Variants in MAST1 observed in about 807,000 individuals in gnomAD.
MAST1 encodes microtubule associated serine/threonine kinase 1, also known as microtubule-associated serine/threonine-protein kinase 1.
Under a neutral mutation model 124.6 loss-of-function variants are expected in MAST1, and 40 were observed. The observed-to-expected ratio is 0.32, with a 90% CI of 0.25 to 0.42. The LOEUF is 0.42. Ranked by LOEUF, MAST1 falls within the 10% of genes least tolerant of loss-of-function variation. MAST1 has a pLI of 1.00. For synonymous variants in MAST1, 938 were observed against 939.4 expected (o/e 1.00, Z 0.03); for missense variants, 1,558 against 2,181.9 (o/e 0.71, Z 5.70).
At chr19:12,852,512 T>C in intron 10 of MAST1, 117 bp downstream of exon 10, 1 of 954,744 alleles carries the variant, frequency 1.0e-6, no homozygotes, top group African/African-American at 1.6e-5. Flanking sequence ...ACTCTGAGCC[T>C]CAGTTTTCCC....
chr19:12,867,876 C>G lies in MAST1; in HGVS notation c.2465C>G (p.Pro822Arg). 1.2e-6 allele frequency: 2 copies of G among 1,607,228 alleles called. No individual in the cohort carries two copies. The highest frequency in any genetic ancestry group is 1.7e-6 in the Non-Finnish European group (2 of 1,177,242). The change falls in exon 20 of 26, where the codon CCT (proline) becomes CGT (arginine). Residue 822 changes from proline (P) to arginine (R), a missense_variant. Pro to Arg is a moderately radical substitution (Grantham distance 103, BLOSUM62 -2). This residue lies in a region of MAST1 where 287 missense variants were observed against 308.0 expected (regional missense o/e 0.93). Transcript: ENST00000251472. ...GAGGATGAGGCCCGGCTGCGCAGGC[C>G]TCCCCGGCCCAGCTCCGACCCCGCG... ...EDEDEARLRRPPRPSSDPAGS... is the reference protein window; with the variant it reads ...EDEDEARLRRRPRPSSDPAGS...
chr19:12,859,738 A>G (rs1970056999), intron 12 of MAST1, among the ~76,000 whole-genome samples: 1 of 151,738 alleles, frequency 6.6e-6, no homozygotes, highest in South Asian at 2.1e-4. Context: ...AGGTTGCAGT[A>G]AGCCGAGATC....
Position 12,870,864 on chromosome 19 carries a change from G to A in MAST1, c.3044G>A (p.Cys1015Tyr). ...GGCCCAGCCCAGGAGGCAGGACTCT[G>A]TGCTGGGGACCTCATCACCCACGTG... ...EGGPAQEAGL[C>Y]AGDLITHVNG... The change falls in exon 23 of 26, where the codon TGT becomes TAT. Residue 1015 changes from cysteine (C) to tyrosine (Y), a missense_variant. Coordinates refer to ENST00000251472, the MANE Select transcript of MAST1 (RefSeq NM_014975.3). The A allele has an allele frequency of 6.2e-7, 1 of 1,614,094 alleles. No homozygotes were observed.
chr19:12,839,213 CATG>C (rs1467942812), intron 1 of MAST1, among the ~76,000 whole-genome samples: 2 of 150,996 alleles, frequency 1.3e-5, no homozygotes, highest in Non-Finnish European at 2.9e-5. Context: ...TCACACAGGA[CATG>C]ATGTCACACA....
chr19:12,848,163 T>C, intron 7 of MAST1, 106 bp downstream of exon 7: 1 of 976,014 alleles, frequency 1.0e-6, no homozygotes, highest in Non-Finnish European at 1.5e-6. Context: ...TCCTACCACG[T>C]TCCAGGCACT....
chr19:12,858,696 T>G lies in MAST1; in HGVS notation c.1323T>G (p.Phe441Leu). Residue 441 changes from phenylalanine to leucine, a missense_variant, in exon 12 of 26, where the codon TTT (phenylalanine) becomes TTG (leucine). Coordinates refer to ENST00000251472, the MANE Select transcript of MAST1 (RefSeq NM_014975.3). Reference sequence around the variant, plus strand: ...TTGTGGTCGGCATGTTCTGCTCCTTTGAGACTCGGCGCCACCTCTGCATGG... The same window carrying G: ...TTGTGGTCGGCATGTTCTGCTCCTTGGAGACTCGGCGCCACCTCTGCATGG... The part of the protein sequence containing the change: ...NPFVVGMFCS[F>L]ETRRHLCMVM... 1 of 1,614,164 alleles carries G rather than the reference T, an allele frequency of 6.2e-7. No individual in the cohort carries two copies. Among genetic ancestry groups the G allele is most frequent in the Non-Finnish European group, 8.5e-7 (1 of 1,180,020 alleles).
chr19:12,857,174 C>T (rs994275246), intron 10 of MAST1, among the ~76,000 whole-genome samples: 2 of 152,068 alleles, frequency 1.3e-5, no homozygotes, highest in East Asian at 1.9e-4. Context: ...ACCTCTGCCT[C>T]CTGGGTTCAA....
Position 12,847,248 on chromosome 19 carries a change from G to A in MAST1, c.328-42G>A. ...AGCTCAGGGTCCTGAGCTGTTGGGGGGCCCATGGTGGCTCTGACCCCGGCC... is the reference window on the plus strand; with the variant it reads ...AGCTCAGGGTCCTGAGCTGTTGGGGAGCCCATGGTGGCTCTGACCCCGGCC... On this transcript the variant is annotated intron_variant, in intron 4 of 25. Coordinates refer to ENST00000251472, the MANE Select transcript of MAST1 (RefSeq NM_014975.3). The surrounding 1 kb of genome is among the most constrained non-coding windows in gnomAD (Gnocchi z 5.5). 2.1e-6 allele frequency: 3 copies of A among 1,406,322 alleles called. No individual in the cohort carries two copies. Among genetic ancestry groups the A allele is most frequent in the Non-Finnish European group, 2.0e-6 (2 of 1,002,592 alleles). The allele number at this position is 1,406,322 out of a possible 1,614,324, so 87.1% of individuals were successfully genotyped here.
rs1443740710 is a variant in MAST1 at position 12,838,562 on chromosome 19, G to A, written c.-11G>A. The A allele has an allele frequency of 5.3e-6, 8 of 1,510,024 alleles. No homozygotes were observed. The East Asian group carries it at 1.1e-4, about 20-fold the overall frequency. The allele number at this position is 1,510,024 out of a possible 1,614,324, so 93.5% of individuals were successfully genotyped here. A position where few individuals can be genotyped will look rare whatever the true frequency, so the allele number is the denominator to read the frequency against. On this transcript the variant is annotated 5_prime_UTR_variant, in exon 1 of 26. Transcript: ENST00000251472. This position sits in a 1 kb window ranked among gnomAD's most constrained non-coding sequence, Gnocchi z 4.3. ...CTGCCGCACCTGCCACCATGTCGCC[G>A]CCGCCGGGTCATGTCTGACTCTCTC... is the stretch of plus-strand genomic sequence containing the variant.
Position 12,867,987 on chromosome 19 carries a change from C to G in MAST1, c.2566+10C>G. ...GGGGACTCCGAGGCCAGTGAGTGCC[C>G]TATCGTGCTGCCTTCCCCAATCTTC... On this transcript the variant is annotated intron_variant, in intron 20 of 25. Transcript: ENST00000251472. The G allele has an allele frequency of 6.6e-7, 1 of 1,526,572 alleles. No homozygotes were observed. The highest frequency in any genetic ancestry group is 8.8e-7 in the Non-Finnish European group (1 of 1,138,472). The allele number at this position is 1,526,572 out of a possible 1,614,324, so 94.6% of individuals were successfully genotyped here.
At chr19:12,860,844 A>G (rs1195662146) in intron 12 of MAST1, among the ~76,000 whole-genome samples, 1 of 152,044 alleles carries the variant, frequency 6.6e-6, no homozygotes, top group Non-Finnish European at 1.5e-5. Context: ...TGACACATAC[A>G]TGATCCCTGG....
intron 7 of MAST1, chr19:12,848,474 A>G (rs960816722): frequency 7.5e-5 from 13 of 173,468 alleles, no homozygotes; most frequent in African/African-American, 3.1e-4. Flanking sequence ...ACACACACAC[A>G]AAATTAGCCG....
At position 12,861,678 on chromosome 19, in the gene MAST1, CTCTCTTTCTT is replaced by C. The variant is rs1325137397; in HGVS notation, c.1366+2943_1366+2952del. Among the ~76,000 whole-genome samples the C allele has an allele frequency of 5.3e-5, 6 of 112,518 alleles. No homozygotes were observed. The Admixed American group carries it at 5.9e-4, about 11-fold the overall frequency. The allele number at this position is 112,518 out of a possible 152,430, so 73.8% of individuals were successfully genotyped here. ...TTGTTGTTTTTTTCTTTTTCTTTTT[CTCTCTTTCTT>C]TCTTTCTTTCTTTCTTTCTTTCTTT... On this transcript the variant is annotated intron_variant, in intron 12 of 25. Coordinates refer to ENST00000251472, the MANE Select transcript of MAST1 (RefSeq NM_014975.3).
At position 12,867,823 on chromosome 19, in the gene MAST1, C is replaced by A. The variant is rs771616929; in HGVS notation, c.2412C>A (p.Pro804=). 6.3e-7 allele frequency: 1 copy of A among 1,593,220 alleles called. No individual in the cohort carries two copies. Among genetic ancestry groups the A allele is most frequent in the Non-Finnish European group, 8.5e-7 (1 of 1,170,566 alleles). ...GCCGTTTCTCGGCGCTGCTGGAGCCCAGCCGCTTCAGCGCCCCCCAAGAGG... is the reference window on the plus strand; with the variant it reads ...GCCGTTTCTCGGCGCTGCTGGAGCCAAGCCGCTTCAGCGCCCCCCAAGAGG... ...ARRRFSALLE[P]SRFSAPQEDE... The change falls in exon 20 of 26, where the codon CCC becomes CCA. Residue 804 remains proline, a synonymous_variant. Coordinates refer to ENST00000251472, the MANE Select transcript of MAST1 (RefSeq NM_014975.3).
chr19:12,840,284 C>G, intron 1 of MAST1, among the ~76,000 whole-genome samples, 162 bp from the exon 2 acceptor site: 1 of 152,350 alleles, frequency 6.6e-6, no homozygotes, highest in South Asian at 2.1e-4. Context: ...ACAGTCCTGC[C>G]GAGGCCTGCA....
chr19:12,857,721 T>C (rs1970032907), intron 10 of MAST1, among the ~76,000 whole-genome samples: 1 of 152,182 alleles, frequency 6.6e-6, no homozygotes, highest in South Asian at 2.1e-4. Flanking sequence ...CCGAATCTTT[T>C]AGTATGTTTA....
At position 12,865,673 on chromosome 19, in the gene MAST1, C is replaced by CAAA; in HGVS notation, c.1805-42_1805-41insAAA. 6.5e-7 allele frequency: 1 copy of CAAA among 1,528,874 alleles called. No individual in the cohort carries two copies. The highest frequency in any genetic ancestry group is 9.0e-7 in the Non-Finnish European group (1 of 1,117,256). 94.7% of individuals were successfully genotyped at this position (1,528,874 alleles called of 1,614,324 possible). A position where few individuals can be genotyped will look rare whatever the true frequency, so the allele number is the denominator to read the frequency against. ...ACAGTGAGATCCTGTGTCCAAACAA[C>CAAA]AACAACAACAAAAACCGCCCCTAAG... On this transcript the variant is annotated intron_variant, in intron 15 of 25. Transcript: ENST00000251472. This position sits in a 1 kb window ranked among gnomAD's most constrained non-coding sequence, Gnocchi z 7.1.
At position 12,868,815 on chromosome 19, in the gene MAST1, C is replaced by T; in HGVS notation, c.2739C>T (p.Ala913=). 1 of 1,599,244 alleles carries T rather than the reference C, an allele frequency of 6.3e-7. No individual in the cohort carries two copies. Among genetic ancestry groups the T allele is most frequent in the Non-Finnish European group, 8.5e-7 (1 of 1,171,448 alleles). ...SRTGGKVIKS[A]SATALSVMIP... is the part of the protein sequence containing the mutation. Reference sequence around the variant, plus strand: ...CTGGGGGCAAAGTCATCAAATCAGCCTCAGCCACTGCCTTATCTGTCATGA... The same window carrying T: ...CTGGGGGCAAAGTCATCAAATCAGCTTCAGCCACTGCCTTATCTGTCATGA... The change falls in exon 21 of 26, where the codon GCC becomes GCT. Residue 913 remains alanine, a synonymous_variant. Coordinates refer to ENST00000251472, the MANE Select transcript of MAST1 (RefSeq NM_014975.3).
Position 12,867,885 on chromosome 19 carries a change from C to G in MAST1, c.2474C>G (p.Pro825Arg). The change falls in exon 20 of 26, where the codon CCC (proline) becomes CGC (arginine). Residue 825 changes from proline to arginine, a missense_variant. This residue lies in a region of MAST1 where 287 missense variants were observed against 308.0 expected (regional missense o/e 0.93). Coordinates refer to ENST00000251472, the MANE Select transcript of MAST1 (RefSeq NM_014975.3). ...GCCCGGCTGCGCAGGCCTCCCCGGC[C>G]CAGCTCCGACCCCGCGGGATCCCTG... ...DEARLRRPPR[P>R]SSDPAGSLDA... The G allele has an allele frequency of 6.2e-7, 1 of 1,605,512 alleles. No individual in the cohort carries two copies. Among genetic ancestry groups the G allele is most frequent in the Non-Finnish European group, 8.5e-7 (1 of 1,176,830 alleles).
Sources: allele counts gnomAD v4.1 joint callset (sites outside exome capture counted in the v4.1 genomes callset), GRCh38; gene constraint gnomAD v4.1.1; regional missense constraint gnomAD v4.1.1; non-coding constraint Gnocchi (gnomAD v3.1); transcripts MANE v1.5; gene names NCBI Gene and HGNC (gene_info 2026-07-23, HGNC 2026-07-21).